DOCK1: variants seen among roughly 807,000 people sequenced by gnomAD.
The protein encoded by DOCK1 is dedicator of cytokinesis protein 1.
DOCK1 carries 138 observed loss-of-function variants against 262.7 expected under a neutral mutation model. That is an observed-to-expected ratio of 0.53 (90% CI 0.46 to 0.61). DOCK1 has a LOEUF of 0.61. Among genes scored for constraint, DOCK1 ranks in the 20% least tolerant of loss-of-function variants. The pLI, the probability that DOCK1 is intolerant of heterozygous loss-of-function variation, is 0.00. For missense variants in DOCK1, 1,908 were observed against 2,370.7 expected, an observed-to-expected ratio of 0.80 and a Z score of 4.05; for synonymous variants, 866 against 867.4, an observed-to-expected ratio of 1.00 and a Z score of 0.03.
intron 22 of DOCK1, among the ~76,000 whole-genome samples, chr10:127,054,010 C>T (rs185601727): frequency 4.6e-5 from 7 of 152,320 alleles, no homozygotes; most frequent in Non-Finnish European, 8.8e-5. Flanking sequence ...CTGTGTCCCT[C>T]TGAATTAGCG....
intron 29 of DOCK1, among the ~76,000 whole-genome samples, chr10:127,313,071 C>T (rs530411350): frequency 1.3e-4 from 20 of 152,250 alleles, no homozygotes; most frequent in African/African-American, 3.6e-4. Context: ...AGCCATTGCC[C>T]GTGCCATCCT....
At chr10:126,958,222 G>T (rs1053660253) in intron 1 of DOCK1, among the ~76,000 whole-genome samples, 1 of 152,178 alleles carries the variant, frequency 6.6e-6, no homozygotes, top group Non-Finnish European at 1.5e-5. Context: ...ACATGTAGAT[G>T]GATGTGAGCA....
chr10:127,097,045 C>T (rs564351555), intron 23 of DOCK1, among the ~76,000 whole-genome samples: 2 of 152,052 alleles, frequency 1.3e-5, no homozygotes, highest in Non-Finnish European at 2.9e-5. Flanking sequence ...GTGGAGGTTG[C>T]AGTGAGCCAA....
chr10:127,176,448 A>G lies in DOCK1; in HGVS notation c.2847+48684A>G. ...AGGTGTCAGTGGGACAGAAATACACACTCAAGCACCGGCCGCACAAACTTT... is the reference window on the plus strand; with the variant it reads ...AGGTGTCAGTGGGACAGAAATACACGCTCAAGCACCGGCCGCACAAACTTT... On this transcript the variant is annotated intron_variant, in intron 27 of 51. Coordinates refer to ENST00000623213, the MANE Select transcript of DOCK1 (RefSeq NM_001290223.2). The surrounding 1 kb of genome is among the most constrained non-coding windows in gnomAD (Gnocchi z 4.4). The G allele has an allele frequency of 6.8e-7, 1 of 1,473,602 alleles. No individual in the cohort carries two copies. The highest frequency in any genetic ancestry group is 9.1e-7 in the Non-Finnish European group (1 of 1,094,860). The allele number at this position is 1,473,602 out of a possible 1,614,324, so 91.3% of individuals were successfully genotyped here.
intron 46 of DOCK1, among the ~76,000 whole-genome samples, chr10:127,423,923 G>A (rs892644232): frequency 6.6e-6 from 1 of 152,156 alleles, no homozygotes; most frequent in Non-Finnish European, 1.5e-5. Context: ...TGGGCTCTGA[G>A]AAACTCTTTA....
chr10:127,095,371 T>C (rs2136135693), intron 23 of DOCK1, among the ~76,000 whole-genome samples: 1 of 152,350 alleles, frequency 6.6e-6, no homozygotes, highest in South Asian at 2.1e-4. Flanking sequence ...CCACATTTTC[T>C]TCTGTTCTCC....
chr10:127,106,250 T>TA lies in DOCK1; in HGVS notation c.2466dup (p.Pro823ThrfsTer12), dbSNP rs1381476852. The TA allele has an allele frequency of 6.3e-7, 1 of 1,593,678 alleles. No individual in the cohort carries two copies. Among genetic ancestry groups the TA allele is most frequent in the Non-Finnish European group, 8.6e-7 (1 of 1,168,816 alleles). ...TTGCAGGGGGCAGCACTGAAATACT[T>TA]ACCAACGATCGTCAACGATGTGAAA... On this transcript the variant is annotated frameshift_variant, in exon 24 of 52. Coordinates refer to ENST00000623213, the MANE Select transcript of DOCK1 (RefSeq NM_001290223.2). LOFTEE classifies it high-confidence loss of function.
intron 16 of DOCK1, among the ~76,000 whole-genome samples, chr10:127,030,935 A>C (rs2043195939): frequency 6.6e-6 from 1 of 152,160 alleles, no homozygotes; most frequent in African/African-American, 2.4e-5. Flanking sequence ...TTGGGTGACT[A>C]ATGGGCTATT....
intron 13 of DOCK1, among the ~76,000 whole-genome samples, chr10:127,019,895 G>A (rs576118257): frequency 2.0e-5 from 3 of 152,328 alleles, no homozygotes; most frequent in Admixed American, 2.0e-4. Context: ...ATTCAACGCG[G>A]CCTCCTTTTA....
At chr10:126,956,912 A>T (rs1353957987) in intron 1 of DOCK1, among the ~76,000 whole-genome samples, 9 of 152,142 alleles carry the variant, frequency 5.9e-5, no homozygotes, top group African/African-American at 2.2e-4. Context: ...GAAAATGGGC[A>T]TTCTCTCTAG....
intron 30 of DOCK1, among the ~76,000 whole-genome samples, chr10:127,339,783 C>T (rs1350000995): frequency 6.7e-6 from 1 of 148,632 alleles, no homozygotes; most frequent in Non-Finnish European, 1.5e-5. Flanking sequence ...TACTGTGCAT[C>T]CAAAATGTGT....
chr10:127,379,389 CTG>C (rs1192411656), intron 35 of DOCK1, among the ~76,000 whole-genome samples: 1 of 151,986 alleles, frequency 6.6e-6, no homozygotes, highest in African/African-American at 2.4e-5. Flanking sequence ...CTTTTTTTAA[CTG>C]TGGTTTGGAA....
intron 31 of DOCK1, among the ~76,000 whole-genome samples, chr10:127,351,105 A>C (rs2063858574): frequency 6.6e-6 from 1 of 152,164 alleles, no homozygotes; most frequent in Admixed American, 6.5e-5. Flanking sequence ...AGGTGCAAGA[A>C]ACCAGGTGCT....
At chr10:127,110,458 C>A in intron 25 of DOCK1, 104 bp downstream of exon 25, 1 of 954,866 alleles carries the variant, frequency 1.0e-6, no homozygotes, top group South Asian at 1.4e-5. Context: ...GAGGCTGCAA[C>A]CAATTAAAAC....
rs1590108390 is a variant in DOCK1 at position 127,247,579 on chromosome 10, T to C, written c.2848-429T>C. On this transcript the variant is annotated intron_variant, in intron 27 of 51. Coordinates refer to ENST00000623213, the MANE Select transcript of DOCK1 (RefSeq NM_001290223.2). ...TTCCATCCTGTCTTTAATTTTCTTG[T>C]ATTTAATGCAAAAGTATTTCAAGCT... 2.0e-5 allele frequency among the ~76,000 whole-genome samples: 3 copies of C among 152,204 alleles called. No homozygotes were observed. The East Asian group carries it at 5.8e-4, about 29-fold the overall frequency.
intron 27 of DOCK1, 61 bp downstream of exon 27, chr10:127,127,825 C>A: frequency 1.4e-6 from 2 of 1,443,806 alleles, no homozygotes; most frequent in Non-Finnish European, 1.9e-6. Flanking sequence ...CCTTCTCCAA[C>A]TGCTGTTTGA....
intron 29 of DOCK1, among the ~76,000 whole-genome samples, chr10:127,306,209 T>C (rs573854553): frequency 2.0e-5 from 3 of 152,256 alleles, no homozygotes; most frequent in African/African-American, 7.2e-5. Flanking sequence ...GAGATGGGGT[T>C]TCACCATGTT....
intron 26 of DOCK1, 110 bp downstream of exon 26, chr10:127,125,711 G>A: frequency 6.9e-6 from 10 of 1,450,738 alleles, no homozygotes; most frequent in Non-Finnish European, 9.1e-6. Context: ...TTAAGGTCTA[G>A]CCTCTCTTTT....
At chr10:127,032,686 T>C (rs2043322810) in intron 18 of DOCK1, among the ~76,000 whole-genome samples, 1 of 152,178 alleles carries the variant, frequency 6.6e-6, no homozygotes, top group Non-Finnish European at 1.5e-5. Context: ...CCCATGTAGC[T>C]GGGACCACAG....
Sources: gnomAD v4.1 joint callset for allele counts (sites outside exome capture counted in the v4.1 genomes callset) on GRCh38, gnomAD v4.1.1 for gene constraint, Gnocchi (gnomAD v3.1) non-coding constraint, MANE v1.5 for transcripts, NCBI Gene and HGNC (gene_info 2026-07-23, HGNC 2026-07-21) for gene names.